JPH1: variants seen among roughly 807,000 people sequenced by gnomAD.
The protein encoded by JPH1 is junctophilin-1.
A neutral mutation model predicts 53.6 loss-of-function variants in JPH1; 12 were observed. The observed-to-expected ratio is 0.22, with a 90% CI of 0.14 to 0.36. The LOEUF (loss-of-function observed/expected upper bound fraction) is 0.36, where lower values mean the gene tolerates loss of function less well. Among genes scored for constraint, JPH1 ranks in the 10% least tolerant of loss-of-function variants. JPH1 has a pLI of 1.00. For synonymous variants in JPH1, 375 were observed against 363.8 expected (o/e 1.03, Z -0.35); for missense variants, 808 against 905.5 (o/e 0.89, Z 1.38).
chr8:74,305,180 T>C (rs531769271), intron 2 of JPH1, among the ~76,000 whole-genome samples: 1 of 152,358 alleles, frequency 6.6e-6, no homozygotes, highest in African/African-American at 2.4e-5. Flanking sequence ...TGCAAGGCAC[T>C]AGTCTTGCAA....
At chr8:74,274,298 C>T (rs763096890) in intron 2 of JPH1, among the ~76,000 whole-genome samples, 4 of 152,108 alleles carry the variant, frequency 2.6e-5, no homozygotes, top group African/African-American at 9.7e-5. Flanking sequence ...AATTGAGAAA[C>T]GTGAACAATA....
At chr8:74,300,371 A>G (rs866223837) in intron 2 of JPH1, among the ~76,000 whole-genome samples, 9 of 152,128 alleles carry the variant, frequency 5.9e-5, no homozygotes, top group Admixed American at 1.3e-4. Flanking sequence ...ATGTACATGC[A>G]TTTTCTCTAA....
At chr8:74,249,849 T>A (rs1434453680) in intron 3 of JPH1, among the ~76,000 whole-genome samples, 3 of 152,294 alleles carry the variant, frequency 2.0e-5, no homozygotes, top group Middle Eastern at 3.4e-3. Flanking sequence ...CACTGGTCCA[T>A]AATAACCTGT....
At chr8:74,299,382 A>C (rs1231022550) in intron 2 of JPH1, among the ~76,000 whole-genome samples, 1 of 152,164 alleles carries the variant, frequency 6.6e-6, no homozygotes, top group African/African-American at 2.4e-5. Context: ...CACACCACGA[A>C]CTATAACCTA....
At chr8:74,246,548 G>A (rs1805867814) in intron 3 of JPH1, among the ~76,000 whole-genome samples, 1 of 152,038 alleles carries the variant, frequency 6.6e-6, no homozygotes, top group African/African-American at 2.4e-5. Flanking sequence ...AAAATCTTAG[G>A]GAGTAGGTGT....
At chr8:74,283,506 C>A (rs1320390083) in intron 2 of JPH1, among the ~76,000 whole-genome samples, 3 of 151,956 alleles carry the variant, frequency 2.0e-5, no homozygotes, top group Non-Finnish European at 2.9e-5. Context: ...ACCTTCTACA[C>A]TGAAAGGTTA....
rs1466991924 is a variant in JPH1, at chr8:74,234,973, T to C, written c.*2078A>G. 6.6e-6 allele frequency: 1 copy of C among 152,634 alleles called. No individual in the cohort carries two copies. Among genetic ancestry groups the C allele is most frequent in the African/African-American group, 2.4e-5 (1 of 41,436 alleles). 9.5% of individuals were successfully genotyped at this position (152,634 alleles called of 1,614,324 possible). On this transcript the variant is annotated 3_prime_UTR_variant, in exon 6 of 6. Transcript: ENST00000342232. ...ACATTTTAGAAAAATACCAACAATT[T>C]GAGCTTTGTTTTAAAAAAGCTTATA... is the stretch of plus-strand genomic sequence containing the variant.
intron 2 of JPH1, among the ~76,000 whole-genome samples, chr8:74,273,875 T>C (rs1806773531): frequency 6.6e-6 from 1 of 152,214 alleles, no homozygotes; most frequent in African/African-American, 2.4e-5. Context: ...GTTTAAGTTA[T>C]GAAGGAGGTG....
At chr8:74,251,621 T>C (rs1806064310) in intron 3 of JPH1, among the ~76,000 whole-genome samples, 2 of 152,340 alleles carry the variant, frequency 1.3e-5, no homozygotes, top group East Asian at 1.9e-4. Context: ...AAAGTTATTA[T>C]TTTATTTAAA....
At chr8:74,252,869 C>G (rs2131385650) in intron 3 of JPH1, among the ~76,000 whole-genome samples, 1 of 152,174 alleles carries the variant, frequency 6.6e-6, no homozygotes, top group Admixed American at 6.5e-5. Flanking sequence ...GCACCCAATA[C>G]AGGAGCACCC....
chr8:74,304,198 C>T (rs1807767363), intron 2 of JPH1, among the ~76,000 whole-genome samples: 1 of 152,222 alleles, frequency 6.6e-6, no homozygotes. Flanking sequence ...TAACCAGACT[C>T]CATGATGAAA....
At chr8:74,255,710 C>T (rs1806200080) in intron 3 of JPH1, among the ~76,000 whole-genome samples, 1 of 151,772 alleles carries the variant, frequency 6.6e-6, no homozygotes, top group East Asian at 1.9e-4. Flanking sequence ...AAAAAAACAA[C>T]CCCATCAAAA....
intron 2 of JPH1, among the ~76,000 whole-genome samples, chr8:74,271,873 G>C (rs1228751195): frequency 6.6e-6 from 1 of 152,136 alleles, no homozygotes; most frequent in East Asian, 1.9e-4. Flanking sequence ...CATCCTGCAG[G>C]GGCTCCCACT....
At chr8:74,273,482 C>T (rs975746368) in intron 2 of JPH1, among the ~76,000 whole-genome samples, 5 of 152,250 alleles carry the variant, frequency 3.3e-5, no homozygotes, top group African/African-American at 9.6e-5. Context: ...CAAAAAACTT[C>T]GGGAATGAAT....
At chr8:74,309,619 C>CTTTGTCACTCA (rs1341197683) in intron 2 of JPH1, among the ~76,000 whole-genome samples, 2 of 152,164 alleles carry the variant, frequency 1.3e-5, no homozygotes, top group Non-Finnish European at 2.9e-5. Context: ...GTAGTGACAT[C>CTTTGTCACTCA]TTTGAACACC....
intron 2 of JPH1, among the ~76,000 whole-genome samples, chr8:74,307,204 T>C (rs1005231): frequency 1.3e-5 from 2 of 152,068 alleles, no homozygotes; most frequent in Non-Finnish European, 2.9e-5. Context: ...TCCCAGTTTG[T>C]CTTCTTGGTC....
chr8:74,315,722 T>C lies in JPH1; in HGVS notation c.380-102A>G. The C allele has an allele frequency of 8.4e-7, 1 of 1,185,522 alleles. No individual in the cohort carries two copies. The highest frequency in any genetic ancestry group is 1.1e-6 in the Non-Finnish European group (1 of 878,660). 73.4% of individuals were successfully genotyped at this position (1,185,522 alleles called of 1,614,324 possible). A position where few individuals can be genotyped will look rare whatever the true frequency, so the allele number is the denominator to read the frequency against. On this transcript the variant is annotated intron_variant, in intron 1 of 5. Coordinates refer to ENST00000342232, the MANE Select transcript of JPH1 (RefSeq NM_020647.4). This position sits in a 1 kb window ranked among gnomAD's most constrained non-coding sequence, Gnocchi z 6.3. Reference sequence around the variant, plus strand: ...GCGCAGGCCTGCCCAAGGTCAAATCTGACCCATTTCCAAGTCAACCCTGGG... The same window carrying C: ...GCGCAGGCCTGCCCAAGGTCAAATCCGACCCATTTCCAAGTCAACCCTGGG...
chr8:74,267,042 A>C (rs1806552845), intron 2 of JPH1, among the ~76,000 whole-genome samples: 2 of 152,236 alleles, frequency 1.3e-5, no homozygotes. Flanking sequence ...CATAAAAGAT[A>C]ACCCCAAGAT....
chr8:74,291,002 A>C (rs929764113), intron 2 of JPH1, among the ~76,000 whole-genome samples: 2 of 152,236 alleles, frequency 1.3e-5, no homozygotes, highest in East Asian at 3.8e-4. Context: ...AAAGACTTAC[A>C]TGTTAGACCT....
Sources: allele counts gnomAD v4.1 joint callset (sites outside exome capture counted in the v4.1 genomes callset), GRCh38; gene constraint gnomAD v4.1.1; non-coding constraint Gnocchi (gnomAD v3.1); transcripts MANE v1.5; gene names NCBI Gene and HGNC (gene_info 2026-07-23, HGNC 2026-07-21).